MRTFA: variants seen among roughly 807,000 people sequenced by gnomAD.
The protein encoded by MRTFA is myocardin related transcription factor A.
A neutral mutation model predicts 83.5 loss-of-function variants in MRTFA; 20 were observed. The observed-to-expected ratio is 0.24, with a 90% CI of 0.17 to 0.35. The LOEUF is 0.35. Ranked by LOEUF, MRTFA falls within the 10% of genes least tolerant of loss-of-function variation. The pLI is 1.00. For missense variants in MRTFA, 1,200 were observed against 1,224.7 expected, an observed-to-expected ratio of 0.98 and a Z score of 0.30; for synonymous variants, 659 against 541.2, an observed-to-expected ratio of 1.22 and a Z score of -3.02.
chr22:40,411,932 T>C lies in MRTFA; in HGVS notation c.2579-25A>G, dbSNP rs202226720. The C allele has an allele frequency of 9.6e-6, 14 of 1,459,626 alleles. No homozygotes were observed. The African/African-American group carries it at 2.0e-4, about 21-fold the overall frequency. 90.4% of individuals were successfully genotyped at this position (1,459,626 alleles called of 1,614,324 possible). A position where few individuals can be genotyped will look rare whatever the true frequency, so the allele number is the denominator to read the frequency against. Reference sequence around the variant, plus strand: ...TCTGCCAATCAATCAAGAGAGTAAATGGATATCAGAAGCCAAGCCTGTATA... The same window carrying C: ...TCTGCCAATCAATCAAGAGAGTAAACGGATATCAGAAGCCAAGCCTGTATA... On this transcript the variant is annotated intron_variant, in intron 14 of 14. Transcript: ENST00000355630.
intron 4 of MRTFA, among the ~76,000 whole-genome samples, chr22:40,445,123 C>T (rs1394661191): frequency 1.3e-5 from 2 of 152,114 alleles, no homozygotes; most frequent in Non-Finnish European, 2.9e-5. Flanking sequence ...ATATTAATTT[C>T]ATTACCCCCA....
intron 1 of MRTFA, among the ~76,000 whole-genome samples, chr22:40,617,280 T>C (rs2056463617): frequency 6.6e-6 from 1 of 151,458 alleles, no homozygotes; most frequent in Non-Finnish European, 1.5e-5. Context: ...ATCATTGTCA[T>C]GTAAATGTTA....
At chr22:40,611,319 C>T (rs114874049) in intron 1 of MRTFA, among the ~76,000 whole-genome samples, 1 of 152,024 alleles carries the variant, frequency 6.6e-6, no homozygotes, top group Admixed American at 6.6e-5. Context: ...TCACTGCAGC[C>T]TTGACTTCCT....
intron 7 of MRTFA, among the ~76,000 whole-genome samples, chr22:40,427,303 G>A (rs1396843984): frequency 6.6e-6 from 1 of 152,154 alleles, no homozygotes; most frequent in Non-Finnish European, 1.5e-5. Flanking sequence ...TATCAACATG[G>A]GGAAAGGGCT....
chr22:40,625,409 A>G (rs12159516), intron 1 of MRTFA, among the ~76,000 whole-genome samples: 35 of 151,942 alleles, frequency 2.3e-4, no homozygotes, highest in African/African-American at 8.4e-4. Context: ...TGAGGCCAGA[A>G]GTTCACAACC....
chr22:40,422,897 G>C (rs188086371), intron 9 of MRTFA, among the ~76,000 whole-genome samples: 3 of 152,368 alleles, frequency 2.0e-5, no homozygotes, highest in Non-Finnish European at 4.4e-5. Context: ...AGCACAAAGG[G>C]TGCAGGTGGA....
intron 1 of MRTFA, among the ~76,000 whole-genome samples, chr22:40,627,398 G>A (rs1297198750): frequency 6.6e-6 from 1 of 152,156 alleles, no homozygotes; most frequent in East Asian, 1.9e-4. Flanking sequence ...ACAGGTGTAA[G>A]CCATAATGCC....
chr22:40,548,358 C>CA (rs10664022), intron 3 of MRTFA, among the ~76,000 whole-genome samples: 12,437 of 65,992 alleles, frequency 0.19, 1,405 homozygotes, highest in East Asian at 0.33. Flanking sequence ...GACTCCGTCT[C>CA]AAAAAAAAAA....
chr22:40,585,632 C>T (rs2056016912), intron 2 of MRTFA, among the ~76,000 whole-genome samples: 1 of 152,032 alleles, frequency 6.6e-6, no homozygotes, highest in Non-Finnish European at 1.5e-5. Flanking sequence ...GACAACATGA[C>T]CAGAATAACA....
At chr22:40,447,572 A>G (rs910092180) in intron 4 of MRTFA, among the ~76,000 whole-genome samples, 2 of 152,172 alleles carry the variant, frequency 1.3e-5, no homozygotes, top group African/African-American at 2.4e-5. Context: ...AGGACCCTGT[A>G]AAACTGTGAA....
intron 3 of MRTFA, among the ~76,000 whole-genome samples, chr22:40,499,974 T>C (rs922612416): frequency 7.8e-6 from 1 of 128,788 alleles, no homozygotes; most frequent in Admixed American, 9.9e-5. Context: ...AAGGCTGGAA[T>C]GAAATGGTAC....
intron 3 of MRTFA, among the ~76,000 whole-genome samples, chr22:40,528,166 C>A (rs2055011471): frequency 6.6e-6 from 1 of 152,096 alleles, no homozygotes; most frequent in Non-Finnish European, 1.5e-5. Flanking sequence ...ATTATGAGGC[C>A]TGTCGCATTC....
At chr22:40,620,423 C>CTTTTTTTT (rs747409456) in intron 1 of MRTFA, among the ~76,000 whole-genome samples, 1,627 of 93,960 alleles carry the variant, frequency 0.017, 2 homozygotes, top group East Asian at 0.02. Flanking sequence ...AACATGCAGT[C>CTTTTTTTT]TTTTTTTTTT....
chr22:40,484,692 C>T (rs755227068), intron 3 of MRTFA, among the ~76,000 whole-genome samples: 1 of 152,096 alleles, frequency 6.6e-6, no homozygotes. Context: ...ACTTCAGAAA[C>T]AATTTCCATA....
chr22:40,523,303 A>T (rs1308415973), intron 3 of MRTFA: 1 of 152,210 alleles, frequency 6.6e-6, no homozygotes, highest in African/African-American at 2.4e-5. Flanking sequence ...TAAAAATAAA[A>T]TATCTTTTGG....
chr22:40,489,326 T>C (rs1253663964), intron 3 of MRTFA, among the ~76,000 whole-genome samples: 2 of 151,936 alleles, frequency 1.3e-5, no homozygotes, highest in Non-Finnish European at 2.9e-5. Context: ...ATAATGTGTA[T>C]CTGTAGAAGA....
chr22:40,481,225 A>G (rs1382658512), intron 3 of MRTFA, among the ~76,000 whole-genome samples: 2 of 152,194 alleles, frequency 1.3e-5, no homozygotes, highest in African/African-American at 4.8e-5. Context: ...TCTGGCTCTC[A>G]GTGTGGGAAC....
At chr22:40,558,199 C>A (rs929453985) in intron 2 of MRTFA, among the ~76,000 whole-genome samples, 4 of 150,496 alleles carry the variant, frequency 2.7e-5, no homozygotes, top group African/African-American at 7.3e-5. Context: ...GATCCTCCCC[C>A]ATCAGTCCCA....
At chr22:40,468,554 G>T (rs1255509290) in intron 3 of MRTFA, among the ~76,000 whole-genome samples, 1 of 152,142 alleles carries the variant, frequency 6.6e-6, no homozygotes, top group Non-Finnish European at 1.5e-5. Context: ...TGTAACTCAG[G>T]AATACTGACA....
Sources: gnomAD v4.1 joint callset for allele counts (sites outside exome capture counted in the v4.1 genomes callset) on GRCh38, gnomAD v4.1.1 for gene constraint, MANE v1.5 for transcripts, NCBI Gene and HGNC (gene_info 2026-07-23, HGNC 2026-07-21) for gene names.